The following WDR55 variants were observed in gnomAD, a reference collection of about 807,000 sequenced individuals.
WDR55 encodes the protein WD repeat domain 55.
In WDR55, 31 loss-of-function variants were observed where a neutral mutation model predicts 34.0. The ratio of observed to expected loss-of-function variants is 0.91; its 90% CI spans 0.69 to 1.23. WDR55 has a LOEUF of 1.23. Ranked by LOEUF, WDR55 falls within the 50% of genes most tolerant of loss-of-function variation. The pLI is 0.00. For synonymous variants in WDR55, 164 were observed against 185.9 expected, an observed-to-expected ratio of 0.88 and a Z score of 0.96; for missense variants, 440 against 494.6, an observed-to-expected ratio of 0.89 and a Z score of 1.05.
chr5:140,667,059 C>T, intron 1 of WDR55: 1 of 985,440 alleles, frequency 1.0e-6, no homozygotes, highest in Non-Finnish European at 1.2e-6. Flanking sequence ...ATTATACCTA[C>T]CCTTGCAGAG....
intron 1 of WDR55, chr5:140,666,784 C>T (rs1022527066): frequency 1.3e-5 from 13 of 985,124 alleles, no homozygotes; most frequent in Non-Finnish European, 1.6e-5. Flanking sequence ...CTTACTAGTC[C>T]GTTATATGAC....
chr5:140,669,283 A>T (rs1368053010), intron 6 of WDR55, 35 bp downstream of exon 6: 1 of 1,613,054 alleles, frequency 6.2e-7, no homozygotes. Flanking sequence ...AGGTCACAGG[A>T]AGGGCAGACC....
chr5:140,665,807 C>T (rs1757908556), intron 1 of WDR55, among the ~76,000 whole-genome samples: 1 of 152,008 alleles, frequency 6.6e-6, no homozygotes, highest in African/African-American at 2.4e-5. Context: ...TCGAGACCAG[C>T]CTGTTCAACA....
rs1312205658 is a variant in WDR55 at position 140,670,798 on chromosome 5, T to C, written c.*1144T>C. 1 of 225,574 alleles carries C rather than the reference T, an allele frequency of 4.4e-6. No homozygotes were observed. Among genetic ancestry groups the C allele is most frequent in the Non-Finnish European group, 8.9e-6 (1 of 111,754 alleles). The allele number at this position is 225,574 out of a possible 1,614,324, so 14.0% of individuals were successfully genotyped here. Reference sequence around the variant, plus strand: ...GCAAGACAGCACAGACACAAGTATATACTAACCAGGGGTTTAATATAAATA... The same window carrying C: ...GCAAGACAGCACAGACACAAGTATACACTAACCAGGGGTTTAATATAAATA... On this transcript the variant is annotated 3_prime_UTR_variant, in exon 7 of 7. Coordinates refer to ENST00000358337, the MANE Select transcript of WDR55 (RefSeq NM_017706.5).
At position 140,669,212 on chromosome 5, in the gene WDR55, G is replaced by T. The variant is rs758076315; in HGVS notation, c.794G>T (p.Ser265Ile). Reference sequence around the variant, plus strand: ...GACTGCATGGTTCCAGTCACCGAGAGTCTGCTGTGTACTGGCTCCACTGAT... The same window carrying T: ...GACTGCATGGTTCCAGTCACCGAGATTCTGCTGTGTACTGGCTCCACTGAT... ...SIDCMVPVTESLLCTGSTDGV... is the reference protein window; with the variant it reads ...SIDCMVPVTEILLCTGSTDGV... The change falls in exon 6 of 7, where the codon AGT becomes ATT. Residue 265 changes from serine (S) to isoleucine (I), a missense_variant. By Grantham distance (142) the Ser-to-Ile change is moderately radical. Transcript: ENST00000358337. 4 of 1,613,650 alleles carry T rather than the reference G, an allele frequency of 2.5e-6. No individual in the cohort carries two copies. The highest frequency in any genetic ancestry group is 1.7e-5 in the Admixed American group (1 of 60,010).
chr5:140,669,236 A>T lies in WDR55; in HGVS notation c.818A>T (p.Asp273Val), dbSNP rs140483511. 1.9e-6 allele frequency: 3 copies of T among 1,613,372 alleles called. No individual in the cohort carries two copies. Among genetic ancestry groups the T allele is most frequent in the Non-Finnish European group, 2.5e-6 (3 of 1,179,964 alleles). The part of the protein sequence containing the change: ...TESLLCTGST[D>V]GVIRAVNILP... Reference sequence around the variant, plus strand: ...AGTCTGCTGTGTACTGGCTCCACTGATGGAGTCATCAGGTGAGGGAAGCCT... The same window carrying T: ...AGTCTGCTGTGTACTGGCTCCACTGTTGGAGTCATCAGGTGAGGGAAGCCT... Residue 273 changes from aspartate (D) to valine (V), a missense_variant, in exon 6 of 7, where the codon GAT (aspartate) becomes GTT (valine). Coordinates refer to ENST00000358337, the MANE Select transcript of WDR55 (RefSeq NM_017706.5).
chr5:140,667,175 C>T (rs1379216901), intron 1 of WDR55: 9 of 979,728 alleles, frequency 9.2e-6, no homozygotes. Flanking sequence ...TTGCCCTAGA[C>T]ATCCACCTTT....
At position 140,669,750 on chromosome 5, in the gene WDR55, G is replaced by T; in HGVS notation, c.*96G>T. ...GAGGATATGAATTATTTTTTGAAAA[G>T]ACAGGGTTTTGCCATCGTCCAGGCT... On this transcript the variant is annotated 3_prime_UTR_variant, in exon 7 of 7. Coordinates refer to ENST00000358337, the MANE Select transcript of WDR55 (RefSeq NM_017706.5). The T allele has an allele frequency of 7.6e-7, 1 of 1,319,264 alleles. No individual in the cohort carries two copies. Among genetic ancestry groups the T allele is most frequent in the Non-Finnish European group, 1.0e-6 (1 of 972,006 alleles). 81.7% of individuals were successfully genotyped at this position (1,319,264 alleles called of 1,614,324 possible).
Position 140,672,219 on chromosome 5 carries a change from A to G in WDR55, c.*2565A>G. 1 of 584,176 alleles carries G rather than the reference A, an allele frequency of 1.7e-6. No homozygotes were observed. Among genetic ancestry groups the G allele is most frequent in the Non-Finnish European group, 3.0e-6 (1 of 330,536 alleles). The allele number at this position is 584,176 out of a possible 1,614,324, so 36.2% of individuals were successfully genotyped here. On this transcript the variant is annotated 3_prime_UTR_variant, in exon 7 of 7. Transcript: ENST00000358337. ...CTATTTTGCGGTGTGGGGGTGGGGGAAGGTTGAGAATTAAGTCAGGAGGTA... is the reference window on the plus strand; with the variant it reads ...CTATTTTGCGGTGTGGGGGTGGGGGGAGGTTGAGAATTAAGTCAGGAGGTA...
At chr5:140,666,719 C>A (rs1757934332) in intron 1 of WDR55, 2 of 985,188 alleles carry the variant, frequency 2.0e-6, no homozygotes, top group East Asian at 2.3e-4. Flanking sequence ...CTCTGTGATA[C>A]AATTGCTGAT....
Position 140,664,910 on chromosome 5 carries a change from A to G in WDR55, c.-3A>G. 2 of 1,595,954 alleles carry G rather than the reference A, an allele frequency of 1.3e-6. No homozygotes were observed. Among genetic ancestry groups the G allele is most frequent in the South Asian group, 1.1e-5 (1 of 88,660 alleles). ...GGCGGCGCGGCTCGCAGTCCTTCTCAGCATGGACCGCACTTGTGAGGAGAG... is the reference window on the plus strand; with the variant it reads ...GGCGGCGCGGCTCGCAGTCCTTCTCGGCATGGACCGCACTTGTGAGGAGAG... On this transcript the variant is annotated 5_prime_UTR_variant, in exon 1 of 7. Transcript: ENST00000358337.
chr5:140,672,118 A>G lies in WDR55; in HGVS notation c.*2464A>G. On this transcript the variant is annotated 3_prime_UTR_variant, in exon 7 of 7. Transcript: ENST00000358337. ...AGTCTGAGGAAACAGATTCTATAGTAGTAAAAAGCTCAGTTGGATTCCCTT... is the reference window on the plus strand; with the variant it reads ...AGTCTGAGGAAACAGATTCTATAGTGGTAAAAAGCTCAGTTGGATTCCCTT... 1.8e-6 allele frequency: 1 copy of G among 543,632 alleles called. No homozygotes were observed. The highest frequency in any genetic ancestry group is 2.1e-5 in the South Asian group (1 of 46,528). 33.7% of individuals were successfully genotyped at this position (543,632 alleles called of 1,614,324 possible).
chr5:140,669,041 G>C (rs1757996272), intron 5 of WDR55, 38 bp from the exon 6 acceptor site: 2 of 1,614,030 alleles, frequency 1.2e-6, no homozygotes, highest in Admixed American at 3.3e-5. Context: ...GGCTTAGTCT[G>C]AGGCAGCTTC....
intron 1 of WDR55, chr5:140,667,275 C>A: frequency 2.3e-6 from 1 of 434,522 alleles, no homozygotes; most frequent in Non-Finnish European, 3.1e-6. Context: ...CACCCTCAGC[C>A]ATGACTATTG....
At position 140,672,273 on chromosome 5, in the gene WDR55, A is replaced by T; in HGVS notation, c.*2619A>T. ...CTCGGGAAGTGTCACAAATTTAGGT[A>T]AGCGGTGGTGGTAGCACCATTGGAA... On this transcript the variant is annotated 3_prime_UTR_variant, in exon 7 of 7. Transcript: ENST00000358337. 1 of 696,514 alleles carries T rather than the reference A, an allele frequency of 1.4e-6. No homozygotes were observed. The allele number at this position is 696,514 out of a possible 1,614,324, so 43.1% of individuals were successfully genotyped here.
In WDR55 at chr5:140,672,131, G is replaced by A; in HGVS notation, c.*2477G>A. The A allele has an allele frequency of 1.5e-5, 8 of 550,714 alleles. No homozygotes were observed. The highest frequency in any genetic ancestry group is 2.6e-5 in the Non-Finnish European group (8 of 307,744). The allele number at this position is 550,714 out of a possible 1,614,324, so 34.1% of individuals were successfully genotyped here. On this transcript the variant is annotated 3_prime_UTR_variant, in exon 7 of 7. Coordinates refer to ENST00000358337, the MANE Select transcript of WDR55 (RefSeq NM_017706.5). The stretch of plus-strand genomic sequence containing the variant: ...AGATTCTATAGTAGTAAAAAGCTCA[G>A]TTGGATTCCCTTGAGCAAATCAATT...
chr5:140,668,545 G>A (rs1757976652), intron 3 of WDR55, 43 bp downstream of exon 3: 3 of 1,609,688 alleles, frequency 1.9e-6, no homozygotes, highest in Non-Finnish European at 2.5e-6. Context: ...TGGAGGTGAA[G>A]GGTAAGGACC....
intron 3 of WDR55, 52 bp from the exon 4 acceptor site, chr5:140,668,560 G>C (rs1757976935): frequency 6.2e-7 from 1 of 1,609,900 alleles, no homozygotes; most frequent in African/African-American, 1.3e-5. Flanking sequence ...AGGACCAGGA[G>C]GTCCCCACTG....
intron 6 of WDR55, 25 bp downstream of exon 6, chr5:140,669,273 A>G (rs1758006979): frequency 6.2e-7 from 1 of 1,613,100 alleles, no homozygotes; most frequent in Non-Finnish European, 8.5e-7. Flanking sequence ...GACAGCCCTT[A>G]GGTCACAGGA....
Sources: allele counts gnomAD v4.1 joint callset (sites outside exome capture counted in the v4.1 genomes callset), GRCh38; gene constraint gnomAD v4.1.1; transcripts MANE v1.5; gene names NCBI Gene and HGNC (gene_info 2026-07-23, HGNC 2026-07-21).